Variants in KDM6A observed in about 807,000 individuals in gnomAD.
KDM6A encodes the protein lysine-specific demethylase 6A.
Under a neutral mutation model 117.6 loss-of-function variants are expected in KDM6A, and 11 were observed. The ratio of observed to expected loss-of-function variants is 0.09; its 90% CI spans 0.06 to 0.15. The LOEUF (loss-of-function observed/expected upper bound fraction) is 0.15. KDM6A is among the 10% of genes least tolerant of loss of function. KDM6A has a pLI of 1.00. For missense variants in KDM6A, 799 were observed against 1,077.3 expected (o/e 0.74, Z 3.62); for synonymous variants, 384 against 396.1 (o/e 0.97, Z 0.36).
At chrX:44,894,621 A>T (rs950998138) in intron 2 of KDM6A, among the ~76,000 whole-genome samples, 45 of 99,973 alleles carry the variant, frequency 4.5e-4, no homozygotes, top group South Asian at 1.8e-3. Flanking sequence ...TAATTAATTA[A>T]TTTTTTTTTT....
chrX:44,924,648 G>GGTGTGT (rs112587323), intron 2 of KDM6A, among the ~76,000 whole-genome samples: 2,583 of 90,370 alleles, frequency 0.029, 46 homozygotes, highest in South Asian at 0.054. Context: ...GGTGGTCCTG[G>GGTGTGT]GTGTGTGTGT....
At chrX:45,097,933 A>G (rs749310801) in intron 27 of KDM6A, among the ~76,000 whole-genome samples, 1 of 112,236 alleles carries the variant, frequency 8.9e-6, no homozygotes, top group African/African-American at 3.2e-5. Context: ...AATATATATT[A>G]TCTTGATTAC....
At chrX:45,100,255 T>C (rs896777625) in intron 27 of KDM6A, among the ~76,000 whole-genome samples, 5 of 111,529 alleles carry the variant, frequency 4.5e-5, no homozygotes, top group Non-Finnish European at 9.4e-5. Flanking sequence ...CTCTGCAGAC[T>C]GTTGGTACTG....
At chrX:44,917,417 G>C (rs190915390) in intron 2 of KDM6A, among the ~76,000 whole-genome samples, 1 of 111,890 alleles carries the variant, frequency 8.9e-6, no homozygotes, top group Non-Finnish European at 1.9e-5. Flanking sequence ...GAGAGAGCAT[G>C]AATCTTTTAT....
chrX:45,102,565 G>T (rs1165850032), intron 27 of KDM6A, among the ~76,000 whole-genome samples: 1 of 111,383 alleles, frequency 9.0e-6, no homozygotes, highest in East Asian at 2.8e-4. Flanking sequence ...CGTAGATAAT[G>T]GTATAGCCAT....
chrX:44,980,831 A>G (rs915795617), intron 4 of KDM6A, among the ~76,000 whole-genome samples: 1 of 107,769 alleles, frequency 9.3e-6, no homozygotes, highest in Admixed American at 1.0e-4. Context: ...CCTCCCATAC[A>G]ATGTTGAATG....
Position 45,065,648 on chromosome X carries a change from T to G in KDM6A, c.2079+1831T>G, listed in dbSNP as rs755884098. On this transcript the variant is annotated intron_variant, in intron 17 of 29. Transcript: ENST00000611820. ...CAGGATTAGTTGATATAGAGTGATG[T>G]GTGAGAAAGGAGTCCCAGCTGGCCT... Among the ~76,000 whole-genome samples the G allele has an allele frequency of 4.5e-5, 5 of 111,858 alleles. No homozygotes were observed. The South Asian group carries it at 1.5e-3, about 33-fold the overall frequency.
At chrX:45,043,445 TA>T (rs1288218750) in intron 8 of KDM6A, among the ~76,000 whole-genome samples, 1 of 111,737 alleles carries the variant, frequency 8.9e-6, no homozygotes, top group Admixed American at 9.5e-5. Context: ...TATGATCTTA[TA>T]GACAAAGCTG....
intron 2 of KDM6A, among the ~76,000 whole-genome samples, chrX:44,946,115 G>C (rs2037617813): frequency 8.9e-6 from 1 of 112,182 alleles, no homozygotes; most frequent in Non-Finnish European, 1.9e-5. Context: ...CTTTTCTTTC[G>C]AGATGAAGTC....
chrX:44,959,970 C>T lies in KDM6A; in HGVS notation c.226-1314C>T, dbSNP rs746598286. On this transcript the variant is annotated intron_variant, in intron 2 of 29. Transcript: ENST00000611820. ...AGGATAATAGACTCAGCCTAGAATT[C>T]GCCTTGTTTAGAATGGATTATCCAA... Among the ~76,000 whole-genome samples, 4 of 111,548 alleles carry T rather than the reference C, an allele frequency of 3.6e-5. No individual in the cohort carries two copies. In the East Asian group the frequency reaches 8.4e-4, roughly 23 times the overall value.
intron 8 of KDM6A, among the ~76,000 whole-genome samples, chrX:45,049,831 C>T (rs2043752948): frequency 8.9e-6 from 1 of 112,389 alleles, no homozygotes; most frequent in Non-Finnish European, 1.9e-5. Context: ...TCATACACAG[C>T]ACAATATGCT....
At chrX:45,091,942 G>A (rs2045909870) in intron 27 of KDM6A, among the ~76,000 whole-genome samples, 1 of 111,349 alleles carries the variant, frequency 9.0e-6, no homozygotes, top group Admixed American at 9.5e-5. Flanking sequence ...AAGGTAACAT[G>A]CCTATAAATT....
rs544699190 is a variant in KDM6A at position 44,924,841 on chromosome X, A to G, written c.226-36443A>G. ...ATAGCTGGGACCACAGGTGTGTACCACCACGCCTGGCTAATTTTTAAATTT... is the reference window on the plus strand; with the variant it reads ...ATAGCTGGGACCACAGGTGTGTACCGCCACGCCTGGCTAATTTTTAAATTT... On this transcript the variant is annotated intron_variant, in intron 2 of 29. Coordinates refer to ENST00000611820, the MANE Select transcript of KDM6A (RefSeq NM_001291415.2). 1.8e-4 allele frequency among the ~76,000 whole-genome samples: 20 copies of G among 110,592 alleles called. No individual in the cohort carries two copies. In the South Asian group the frequency reaches 7.3e-3, roughly 40 times the overall value.
chrX:45,076,643 T>C, intron 18 of KDM6A, 54 bp from the exon 19 acceptor site: 5 of 910,211 alleles, frequency 5.5e-6, no homozygotes, highest in Non-Finnish European at 7.8e-6. Context: ...TTTTTTTTTT[T>C]TTCTGTTTTC....
At position 44,873,391 on chromosome X, in the gene KDM6A, A is replaced by T; in HGVS notation, c.-161A>T. 2.4e-5 allele frequency: 17 copies of T among 697,734 alleles called. No individual in the cohort carries two copies. The highest frequency in any genetic ancestry group is 3.1e-5 in the Non-Finnish European group (15 of 489,593). 57.5% of individuals were successfully genotyped at this position (697,734 alleles called of 1,213,427 possible). A position where few individuals can be genotyped will look rare whatever the true frequency, so the allele number is the denominator to read the frequency against. ...CCCTGCCGCCGCCGCCGCCGCCTTC[A>T]CCGCCGCCGCGTTGGGATTTTTCGT... is the stretch of plus-strand genomic sequence containing the variant. On this transcript the variant is annotated 5_prime_UTR_variant, in exon 1 of 30. Transcript: ENST00000611820.
chrX:44,893,165 G>T (rs756625711), intron 2 of KDM6A, among the ~76,000 whole-genome samples: 1 of 110,753 alleles, frequency 9.0e-6, no homozygotes, highest in Non-Finnish European at 1.9e-5. Context: ...GCGACAGAGC[G>T]AGACTGTCTC....
intron 4 of KDM6A, among the ~76,000 whole-genome samples, chrX:44,979,489 C>T (rs1249254650): frequency 9.1e-6 from 1 of 110,301 alleles, no homozygotes; most frequent in African/African-American, 3.3e-5. Flanking sequence ...GGATAAATGC[C>T]CTTTGTCAGA....
chrX:45,102,385 T>C (rs770348254), intron 27 of KDM6A, among the ~76,000 whole-genome samples: 1 of 112,073 alleles, frequency 8.9e-6, no homozygotes, highest in South Asian at 3.7e-4. Flanking sequence ...ACATAAAATA[T>C]ACTTTATCAC....
intron 4 of KDM6A, among the ~76,000 whole-genome samples, chrX:44,987,004 A>G (rs1250374646): frequency 9.0e-6 from 1 of 111,332 alleles, no homozygotes; most frequent in African/African-American, 3.3e-5. Flanking sequence ...TAATATTGAC[A>G]GTGGGGTGTT....
Sources: gnomAD v4.1 joint callset for allele counts (sites outside exome capture counted in the v4.1 genomes callset) on GRCh38, gnomAD v4.1.1 for gene constraint, MANE v1.5 for transcripts, NCBI Gene and HGNC (gene_info 2026-07-23, HGNC 2026-07-21) for gene names.